CDH18: variants seen among roughly 807,000 people sequenced by gnomAD.
The protein encoded by CDH18 is cadherin-18.
CDH18 carries 31 observed loss-of-function variants against 67.9 expected under a neutral mutation model. The observed-to-expected ratio is 0.46, with a 90% CI of 0.34 to 0.62. CDH18 has a LOEUF of 0.62. Among genes scored for constraint, CDH18 ranks in the 20% least tolerant of loss-of-function variants. The pLI, the probability that CDH18 is intolerant of heterozygous loss-of-function variation, is 0.01. For missense variants in CDH18, 890 were observed against 975.5 expected, an observed-to-expected ratio of 0.91 and a Z score of 1.17; for synonymous variants, 362 against 347.2, an observed-to-expected ratio of 1.04 and a Z score of -0.48.
intron 2 of CDH18, among the ~76,000 whole-genome samples, chr5:19,896,577 A>C (rs1579478205): frequency 1.3e-5 from 2 of 152,132 alleles, no homozygotes; most frequent in Non-Finnish European, 2.9e-5. Context: ...CAAAGCGAGC[A>C]CAGCCTGGCA....
rs1739850911 is a variant in CDH18, at chr5:19,483,520, T to C, written c.1663A>G (p.Arg555Gly). 1.9e-6 allele frequency: 3 copies of C among 1,613,152 alleles called. No homozygotes were observed. Among genetic ancestry groups the C allele is most frequent in the Non-Finnish European group, 2.5e-6 (3 of 1,179,562 alleles). Residue 555 changes from arginine to glycine, a missense_variant, in exon 12 of 13, where the codon AGA becomes GGA. Physicochemically the swap from Arg to Gly is moderately radical, Grantham distance 125 (BLOSUM62 -2). This residue lies in a region of CDH18 where 656 missense variants were observed against 668.1 expected (regional missense o/e 0.98). Transcript: ENST00000382275. ...ACATCCTGAACAGTTCGACTAAATC[T>C]CCTCCGCCTTGTCAGAATGCTGGCT... ...NTASILTRRR[R>G]FSRTVQDVYY...
intron 2 of CDH18, among the ~76,000 whole-genome samples, chr5:19,890,248 C>T (rs1788645480): frequency 1.3e-5 from 2 of 152,074 alleles, no homozygotes; most frequent in African/African-American, 4.8e-5. Context: ...CATCACACTC[C>T]ACCTTCCTGG....
chr5:19,951,179 T>C (rs1484608649), intron 2 of CDH18, among the ~76,000 whole-genome samples: 1 of 152,150 alleles, frequency 6.6e-6, no homozygotes, highest in Non-Finnish European at 1.5e-5. Context: ...TGTCTGGCAA[T>C]TGTTTGAGAC....
chr5:19,691,091 C>T (rs944697143), intron 5 of CDH18, among the ~76,000 whole-genome samples: 5 of 151,718 alleles, frequency 3.3e-5, no homozygotes, highest in African/African-American at 1.2e-4. Context: ...AAGTGGAAGG[C>T]ATGCCAAGGA....
chr5:20,539,957 A>T (rs1756962706), intron 1 of CDH18, among the ~76,000 whole-genome samples: 1 of 152,188 alleles, frequency 6.6e-6, no homozygotes, highest in Non-Finnish European at 1.5e-5. Flanking sequence ...GAACTATTTT[A>T]ATGTCTAAAC....
intron 2 of CDH18, among the ~76,000 whole-genome samples, chr5:19,846,833 G>A (rs892734195): frequency 2.6e-5 from 4 of 152,084 alleles, no homozygotes; most frequent in Admixed American, 6.6e-5. Flanking sequence ...AACTCCCTCA[G>A]TATTTAGTCT....
intron 2 of CDH18, among the ~76,000 whole-genome samples, chr5:20,005,307 C>T (rs1209154388): frequency 1.3e-5 from 2 of 151,958 alleles, no homozygotes; most frequent in Admixed American, 1.3e-4. Context: ...TACTGCATAA[C>T]TTGCCATATT....
At chr5:20,039,275 T>G (rs1436474081) in intron 2 of CDH18, among the ~76,000 whole-genome samples, 1 of 152,158 alleles carries the variant, frequency 6.6e-6, no homozygotes, top group African/African-American at 2.4e-5. Context: ...TTGTCCAAAG[T>G]AATTTGTAGA....
chr5:20,543,262 CTT>C (rs5866438), intron 1 of CDH18, among the ~76,000 whole-genome samples: 64,913 of 151,552 alleles, frequency 0.43, 14,463 homozygotes, highest in East Asian at 0.57. Context: ...TGATTAAAAA[CTT>C]ATATTTCATC....
chr5:20,258,770 C>T (rs926866779), intron 1 of CDH18, among the ~76,000 whole-genome samples: 4 of 152,020 alleles, frequency 2.6e-5, no homozygotes, highest in Non-Finnish European at 5.9e-5. Flanking sequence ...CTAACATACC[C>T]TAATACTACA....
At chr5:20,060,162 A>C (rs2150507035) in intron 2 of CDH18, among the ~76,000 whole-genome samples, 1 of 152,236 alleles carries the variant, frequency 6.6e-6, no homozygotes, top group Non-Finnish European at 1.5e-5. Flanking sequence ...TGAACCAAAA[A>C]ATCACATTTA....
chr5:19,617,005 T>A (rs1044046958), intron 5 of CDH18, among the ~76,000 whole-genome samples: 1 of 152,122 alleles, frequency 6.6e-6, no homozygotes, highest in Non-Finnish European at 1.5e-5. Flanking sequence ...AAAGGCCTCA[T>A]CTCCAAATAC....
intron 1 of CDH18, among the ~76,000 whole-genome samples, chr5:20,544,783 C>T (rs1561115506): frequency 2.0e-5 from 3 of 152,106 alleles, no homozygotes; most frequent in African/African-American, 4.8e-5. Flanking sequence ...CCTCTTTGCC[C>T]CTCCCAAATA....
rs532846627 is a variant in CDH18 at position 19,589,561 on chromosome 5, A to C, written c.999+1496T>G. ...TGAATGCCAACTCTGTGTCAGAAAA[A>C]AATGCTAGATGTTGGGAATGCAGTG... On this transcript the variant is annotated intron_variant, in intron 7 of 12. Transcript: ENST00000382275. 3.3e-5 allele frequency among the ~76,000 whole-genome samples: 5 copies of C among 152,234 alleles called. No homozygotes were observed. The South Asian group carries it at 1.0e-3, about 32-fold the overall frequency.
At chr5:19,475,131 T>C (rs1738221446) in intron 12 of CDH18, among the ~76,000 whole-genome samples, 1 of 152,078 alleles carries the variant, frequency 6.6e-6, no homozygotes, top group East Asian at 1.9e-4. Flanking sequence ...GGTTGTTATA[T>C]TTAGCAAACA....
At chr5:19,706,126 GT>G (rs1285472356) in intron 5 of CDH18, among the ~76,000 whole-genome samples, 1 of 152,100 alleles carries the variant, frequency 6.6e-6, no homozygotes, top group Non-Finnish European at 1.5e-5. Context: ...TTCATATGTG[GT>G]TCATTCCACA....
intron 2 of CDH18, among the ~76,000 whole-genome samples, chr5:20,221,965 C>T (rs1355764310): frequency 1.3e-5 from 2 of 152,154 alleles, no homozygotes; most frequent in East Asian, 3.9e-4. Context: ...CACTAATCTA[C>T]ATCTGTGAAA....
At position 19,688,605 on chromosome 5, in the gene CDH18, A is replaced by C. The variant is rs4467708; in HGVS notation, c.643+32742T>G. Reference sequence around the variant, plus strand: ...GACTGTTACACCATATGCACAAATAACAATATAAGAACTCAAGAAAAATAA... The same window carrying C: ...GACTGTTACACCATATGCACAAATACCAATATAAGAACTCAAGAAAAATAA... On this transcript the variant is annotated intron_variant, in intron 5 of 12. Transcript: ENST00000382275. 8.5e-4 allele frequency among the ~76,000 whole-genome samples: 130 copies of C among 152,112 alleles called. 1 individual carries two copies. Among genetic ancestry groups the C allele is most frequent in the African/African-American group, 3.0e-3 (123 of 41,472 alleles).
chr5:20,388,423 T>A (rs1744510309), intron 1 of CDH18, among the ~76,000 whole-genome samples: 2 of 144,862 alleles, frequency 1.4e-5, no homozygotes, highest in African/African-American at 2.6e-5. Context: ...ATCCCCTTTA[T>A]CATTTTTTTA....
Sources: allele counts gnomAD v4.1 joint callset (sites outside exome capture counted in the v4.1 genomes callset), GRCh38; gene constraint gnomAD v4.1.1; regional missense constraint gnomAD v4.1.1; transcripts MANE v1.5; gene names NCBI Gene and HGNC (gene_info 2026-07-23, HGNC 2026-07-21).